CCSER1: variants seen among roughly 807,000 people sequenced by gnomAD.
The protein encoded by CCSER1 is coiled-coil serine rich protein 1.
In CCSER1, 41 loss-of-function variants were observed where a neutral mutation model predicts 82.0. The ratio of observed to expected loss-of-function variants is 0.50; its 90% CI spans 0.39 to 0.65. The LOEUF (loss-of-function observed/expected upper bound fraction) is 0.65. Ranked by LOEUF, CCSER1 falls within the 30% of genes least tolerant of loss-of-function variation. The pLI is 0.00. For missense variants in CCSER1, 1,119 were observed against 1,064.2 expected (o/e 1.05, Z -0.72); for synonymous variants, 414 against 383.9 (o/e 1.08, Z -0.92).
chr4:90,655,655 T>C (rs1047354484), intron 6 of CCSER1, among the ~76,000 whole-genome samples: 2 of 151,958 alleles, frequency 1.3e-5, no homozygotes, highest in African/African-American at 4.8e-5. Context: ...GTTTTCAATT[T>C]ATTGTTTTCA....
intron 10 of CCSER1, among the ~76,000 whole-genome samples, chr4:91,219,331 T>TC (rs1737550223): frequency 1.4e-5 from 2 of 143,836 alleles, no homozygotes; most frequent in African/African-American, 5.5e-5. Flanking sequence ...TTTTTTTTTT[T>TC]TAAAACAGTC....
At chr4:90,982,600 C>G (rs1470241383) in intron 9 of CCSER1, among the ~76,000 whole-genome samples, 2 of 151,546 alleles carry the variant, frequency 1.3e-5, no homozygotes, top group Non-Finnish European at 2.9e-5. Flanking sequence ...ATTTATTATT[C>G]TATATTTCAA....
chr4:91,001,436 AG>A (rs1396690341), intron 9 of CCSER1, among the ~76,000 whole-genome samples: 1 of 152,124 alleles, frequency 6.6e-6, no homozygotes, highest in Non-Finnish European at 1.5e-5. Context: ...TGAGTTGAGG[AG>A]GAGTCCCCAC....
intron 10 of CCSER1, among the ~76,000 whole-genome samples, chr4:91,088,934 T>C (rs936421269): frequency 6.6e-6 from 1 of 152,090 alleles, no homozygotes; most frequent in Non-Finnish European, 1.5e-5. Flanking sequence ...TTTGTTATTT[T>C]AGGTAGTTTT....
chr4:90,915,205 A>G (rs1425727059), intron 8 of CCSER1, among the ~76,000 whole-genome samples: 1 of 152,210 alleles, frequency 6.6e-6, no homozygotes, highest in Non-Finnish European at 1.5e-5. Flanking sequence ...TGGCAGAGAC[A>G]CAACAGAAAA....
intron 10 of CCSER1, among the ~76,000 whole-genome samples, chr4:91,201,342 A>T (rs960292318): frequency 6.6e-6 from 1 of 152,086 alleles, no homozygotes; most frequent in Non-Finnish European, 1.5e-5. Context: ...GTTTCCATGA[A>T]TAAATGAATG....
At chr4:90,883,281 A>G (rs1580917740) in intron 8 of CCSER1, among the ~76,000 whole-genome samples, 1 of 152,100 alleles carries the variant, frequency 6.6e-6, no homozygotes, top group Admixed American at 6.5e-5. Flanking sequence ...TGATGTTATC[A>G]TCAATGACAA....
At chr4:90,286,808 A>G (rs192625206) in intron 1 of CCSER1, among the ~76,000 whole-genome samples, 125 of 152,096 alleles carry the variant, frequency 8.2e-4, no homozygotes, top group Non-Finnish European at 1.5e-3. Flanking sequence ...CAGATTTTAC[A>G]TTCTTTGGAA....
chr4:90,788,379 G>T (rs1754801353), intron 7 of CCSER1, among the ~76,000 whole-genome samples: 1 of 152,140 alleles, frequency 6.6e-6, no homozygotes, highest in Non-Finnish European at 1.5e-5. Flanking sequence ...CTTAGACAAT[G>T]GAAATCTATT....
At chr4:90,749,070 T>G (rs1438614028) in intron 7 of CCSER1, among the ~76,000 whole-genome samples, 164 of 151,976 alleles carry the variant, frequency 1.1e-3, no homozygotes, top group African/African-American at 3.9e-3. Flanking sequence ...TTTTGGCTTT[T>G]GTTGCCGTTG....
chr4:90,741,205 T>A (rs986488969), intron 7 of CCSER1, among the ~76,000 whole-genome samples: 4 of 152,226 alleles, frequency 2.6e-5, no homozygotes, highest in African/African-American at 7.2e-5. Flanking sequence ...AAAATATTTA[T>A]ATGTTTCTTC....
chr4:91,517,496 C>T (rs1353500228), intron 10 of CCSER1, among the ~76,000 whole-genome samples: 1 of 152,112 alleles, frequency 6.6e-6, no homozygotes, highest in African/African-American at 2.4e-5. Flanking sequence ...GTACACTCAG[C>T]TGTTTTGTCT....
intron 8 of CCSER1, among the ~76,000 whole-genome samples, chr4:90,861,686 T>G (rs1173864067): frequency 2.6e-5 from 4 of 151,728 alleles, no homozygotes; most frequent in African/African-American, 7.2e-5. Flanking sequence ...TTATCACAAC[T>G]TAATTAACTC....
chr4:90,894,027 A>G (rs1723343527), intron 8 of CCSER1, among the ~76,000 whole-genome samples: 1 of 152,094 alleles, frequency 6.6e-6, no homozygotes. Flanking sequence ...AAATGAAAAT[A>G]GATGTTCTGA....
At chr4:90,231,315 A>G (rs1226890637) in intron 1 of CCSER1, among the ~76,000 whole-genome samples, 6 of 152,138 alleles carry the variant, frequency 3.9e-5, no homozygotes, top group Admixed American at 2.0e-4. Flanking sequence ...GGATGGTTCA[A>G]TATACGCAAA....
intron 10 of CCSER1, among the ~76,000 whole-genome samples, chr4:91,270,018 CA>C (rs1741901702): frequency 6.6e-6 from 1 of 152,084 alleles, no homozygotes; most frequent in Non-Finnish European, 1.5e-5. Context: ...TTTTAAAAAT[CA>C]AAGTGTGATT....
chr4:91,168,401 C>T (rs13142987), intron 10 of CCSER1, among the ~76,000 whole-genome samples: 95,987 of 142,530 alleles, frequency 0.67, 33,859 homozygotes, highest in Non-Finnish European at 0.79. Context: ...TCTGCCTGGC[C>T]GCCCCGTCTG....
intron 10 of CCSER1, among the ~76,000 whole-genome samples, chr4:91,577,610 G>A (rs1403243260): frequency 6.6e-6 from 1 of 151,892 alleles, no homozygotes; most frequent in Non-Finnish European, 1.5e-5. Flanking sequence ...ACCTTGAAAG[G>A]GTCTTGTAGA....
intron 10 of CCSER1, among the ~76,000 whole-genome samples, chr4:91,176,942 T>C (rs191839867): frequency 9.5e-4 from 145 of 152,290 alleles, no homozygotes; most frequent in African/African-American, 3.3e-3. Context: ...TTTAGTATGA[T>C]ATTGGCTGTG....
Sources: gnomAD v4.1 joint callset for allele counts (sites outside exome capture counted in the v4.1 genomes callset) on GRCh38, gnomAD v4.1.1 for gene constraint, MANE v1.5 for transcripts, NCBI Gene and HGNC (gene_info 2026-07-23, HGNC 2026-07-21) for gene names.